Variants in HECW1 observed in about 807,000 individuals in gnomAD.
HECW1 encodes HECT, C2 and WW domain containing E3 ubiquitin protein ligase 1, also known as E3 ubiquitin-protein ligase HECW1.
In HECW1, 61 loss-of-function variants were observed where a neutral mutation model predicts 182.3. The observed-to-expected ratio is 0.33, with a 90% CI of 0.27 to 0.41. The LOEUF (loss-of-function observed/expected upper bound fraction) is 0.41, where lower values mean the gene tolerates loss of function less well. HECW1 is among the 10% of genes least tolerant of loss of function. The probability of loss-of-function intolerance (pLI) is 1.00; values close to 1 mark genes in which losing one functional copy is unlikely to be tolerated. For missense variants in HECW1, 1,739 were observed against 2,108.9 expected (o/e 0.82, Z 3.44); for synonymous variants, 859 against 832.6 (o/e 1.03, Z -0.55).
chr7:43,311,231 TTCTGTAGAG>T (rs1334835574), intron 3 of HECW1, among the ~76,000 whole-genome samples: 1 of 152,186 alleles, frequency 6.6e-6, no homozygotes, highest in East Asian at 1.9e-4. Flanking sequence ...CCCGAAGGCA[TTCTGTAGAG>T]TGAAAGATGT....
chr7:43,341,496 T>C (rs953065994), intron 5 of HECW1, among the ~76,000 whole-genome samples: 3 of 151,754 alleles, frequency 2.0e-5, no homozygotes, highest in Admixed American at 1.3e-4. Flanking sequence ...ATATATCAGC[T>C]ATCACAATTA....
intron 2 of HECW1, among the ~76,000 whole-genome samples, chr7:43,205,110 G>T (rs1795341443): frequency 6.6e-6 from 1 of 151,716 alleles, no homozygotes; most frequent in African/African-American, 2.4e-5. Context: ...TGGAAATGGA[G>T]TCTCGCACTA....
intron 6 of HECW1, among the ~76,000 whole-genome samples, chr7:43,362,961 A>T (rs1816156053): frequency 6.6e-6 from 1 of 152,222 alleles, no homozygotes; most frequent in Admixed American, 6.5e-5. Context: ...CTGCTCTGGA[A>T]TGATACTGTG....
chr7:43,497,866 A>G (rs1465822085), intron 19 of HECW1, among the ~76,000 whole-genome samples: 6 of 150,974 alleles, frequency 4.0e-5, no homozygotes, highest in Non-Finnish European at 8.9e-5. Context: ...GCTTGAGGAG[A>G]GGAAGAATGT....
At chr7:43,262,863 C>G (rs1423061858) in intron 3 of HECW1, among the ~76,000 whole-genome samples, 1 of 152,204 alleles carries the variant, frequency 6.6e-6, no homozygotes, top group Non-Finnish European at 1.5e-5. Context: ...TCCTGCCATT[C>G]AATCACATCC....
intron 3 of HECW1, among the ~76,000 whole-genome samples, chr7:43,293,093 G>A (rs766696724): frequency 1.3e-5 from 2 of 151,520 alleles, no homozygotes; most frequent in African/African-American, 4.9e-5. Flanking sequence ...GGTGGAAGGC[G>A]CCTGTGGTCC....
Position 43,360,910 on chromosome 7 carries a change from A to G in HECW1, c.485A>G (p.Tyr162Cys). 1 of 1,614,114 alleles carries G rather than the reference A, an allele frequency of 6.2e-7. No individual in the cohort carries two copies. ...VEPETKICFKYYHGVSGALRA... is the reference protein window; with the variant it reads ...VEPETKICFKCYHGVSGALRA... ...GCTGAAACTAAGATCTGCTTCAAAT[A>G]CTACCATGGAGTGAGTGGGGCCCTG... is the stretch of plus-strand genomic sequence containing the variant. The change falls in exon 6 of 30, where the codon TAC becomes TGC. Residue 162 changes from tyrosine (Y) to cysteine (C), a missense_variant. By Grantham distance (194) the Tyr-to-Cys change is radical. Coordinates refer to ENST00000395891, the MANE Select transcript of HECW1 (RefSeq NM_015052.5).
chr7:43,406,454 T>C (rs73101390), intron 7 of HECW1, among the ~76,000 whole-genome samples: 2,956 of 152,310 alleles, frequency 0.019, 75 homozygotes, highest in African/African-American at 0.06. Context: ...TAAGTGCATA[T>C]GAAAACAACT....
chr7:43,175,956 A>G (rs1464787137), intron 2 of HECW1, among the ~76,000 whole-genome samples: 1 of 152,206 alleles, frequency 6.6e-6, no homozygotes, highest in Non-Finnish European at 1.5e-5. Flanking sequence ...CTTAATGCTC[A>G]CAGTGCCTAA....
At chr7:43,422,490 G>C (rs1198244210) in intron 8 of HECW1, among the ~76,000 whole-genome samples, 1 of 151,386 alleles carries the variant, frequency 6.6e-6, no homozygotes, top group African/African-American at 2.4e-5. Context: ...AGCCTCCCGA[G>C]TAGCTGAGAT....
chr7:43,545,553 C>T (rs1257315670), intron 26 of HECW1, among the ~76,000 whole-genome samples: 1 of 152,156 alleles, frequency 6.6e-6, no homozygotes, highest in Non-Finnish European at 1.5e-5. Flanking sequence ...TTTCCAAAAA[C>T]TTAACTACTG....
At chr7:43,317,066 G>A (rs758352565) in intron 4 of HECW1, among the ~76,000 whole-genome samples, 8 of 152,130 alleles carry the variant, frequency 5.3e-5, no homozygotes, top group South Asian at 2.1e-4. Flanking sequence ...AATACTATAA[G>A]CACCTACCTC....
intron 2 of HECW1, among the ~76,000 whole-genome samples, chr7:43,225,980 C>A (rs866361609): frequency 6.6e-6 from 1 of 151,972 alleles, no homozygotes; most frequent in Non-Finnish European, 1.5e-5. Context: ...AGTATGTTGC[C>A]CAGGCTGGTC....
At chr7:43,154,999 G>A (rs1789725511) in intron 2 of HECW1, among the ~76,000 whole-genome samples, 1 of 152,160 alleles carries the variant, frequency 6.6e-6, no homozygotes, top group African/African-American at 2.4e-5. Flanking sequence ...GTAACCTTCT[G>A]TGAGGGGTAC....
chr7:43,309,454 G>A (rs1000818220), intron 3 of HECW1, among the ~76,000 whole-genome samples: 12 of 152,272 alleles, frequency 7.9e-5, no homozygotes, highest in Admixed American at 4.6e-4. Flanking sequence ...GATCACTGGC[G>A]TAATTTGACA....
At chr7:43,135,898 C>T (rs1310318510) in intron 2 of HECW1, among the ~76,000 whole-genome samples, 1 of 151,534 alleles carries the variant, frequency 6.6e-6, no homozygotes, top group Non-Finnish European at 1.5e-5. Context: ...TTATTTTTCA[C>T]ATCATTTCTC....
In HECW1 at chr7:43,507,271, T is replaced by C; in HGVS notation, c.3752+14T>C. The C allele has an allele frequency of 6.2e-7, 1 of 1,611,024 alleles. No individual in the cohort carries two copies. Among genetic ancestry groups the C allele is most frequent in the Non-Finnish European group, 8.5e-7 (1 of 1,177,918 alleles). On this transcript the variant is annotated intron_variant, in intron 22 of 29. Coordinates refer to ENST00000395891, the MANE Select transcript of HECW1 (RefSeq NM_015052.5). Reference sequence around the variant, plus strand: ...GGGGAAAATTAAGTGAGTGCTCCAGTGCTTGGCACTGAATTCAGACAGTAG... The same window carrying C: ...GGGGAAAATTAAGTGAGTGCTCCAGCGCTTGGCACTGAATTCAGACAGTAG...
At chr7:43,247,893 AGAGGAAGGAAGGAAG>A (rs1027791238) in intron 3 of HECW1, among the ~76,000 whole-genome samples, 1 of 119,264 alleles carries the variant, frequency 8.4e-6, no homozygotes, top group Non-Finnish European at 1.7e-5. Flanking sequence ...AGGGAGGGAG[AGAGGAAGGAAGGAAG>A]GAGGGAGGAA....
intron 15 of HECW1, among the ~76,000 whole-genome samples, chr7:43,468,606 C>T (rs1585002775): frequency 6.6e-6 from 1 of 152,104 alleles, no homozygotes; most frequent in South Asian, 2.1e-4. Flanking sequence ...ACTGCAGCCT[C>T]TATTCTCAGA....
Sources: allele counts gnomAD v4.1 joint callset (sites outside exome capture counted in the v4.1 genomes callset), GRCh38; gene constraint gnomAD v4.1.1; transcripts MANE v1.5; gene names NCBI Gene and HGNC (gene_info 2026-07-23, HGNC 2026-07-21).